The following CADPS variants were observed in gnomAD, a reference collection of about 807,000 sequenced individuals.
CADPS encodes the protein calcium-dependent secretion activator 1.
CADPS carries 57 observed loss-of-function variants against 167.3 expected under a neutral mutation model. The observed-to-expected ratio is 0.34, with a 90% CI of 0.28 to 0.42. The LOEUF is 0.42. Ranked by LOEUF, CADPS falls within the 20% of genes least tolerant of loss-of-function variation. The pLI is 1.00. For synonymous variants in CADPS, 676 were observed against 635.3 expected (o/e 1.06, Z -0.96); for missense variants, 1,414 against 1,738.1 (o/e 0.81, Z 3.32).
At chr3:62,840,463 C>G (rs1235915786) in intron 1 of CADPS, among the ~76,000 whole-genome samples, 1 of 152,218 alleles carries the variant, frequency 6.6e-6, no homozygotes, top group South Asian at 2.1e-4. Context: ...TACTTTCAAT[C>G]ATATAAATGA....
At chr3:62,427,087 A>G (rs563262433) in intron 28 of CADPS, among the ~76,000 whole-genome samples, 1 of 151,434 alleles carries the variant, frequency 6.6e-6, no homozygotes, top group Admixed American at 6.6e-5. Flanking sequence ...AAAAAAAAAA[A>G]AAAGAAAAGT....
intron 1 of CADPS, among the ~76,000 whole-genome samples, chr3:62,776,328 A>C (rs2090286315): frequency 6.6e-6 from 1 of 152,180 alleles, no homozygotes; most frequent in Non-Finnish European, 1.5e-5. Flanking sequence ...AAGCATTGAA[A>C]TGTTTTGCAT....
At chr3:62,645,868 G>C (rs1451740864) in intron 5 of CADPS, 25 bp from the exon 6 acceptor site, 2 of 1,613,548 alleles carry the variant, frequency 1.2e-6, no homozygotes, top group African/African-American at 2.7e-5. Flanking sequence ...CCACATAATG[G>C]AGGTTATTGG....
chr3:62,551,076 G>A (rs1405149311), intron 10 of CADPS, among the ~76,000 whole-genome samples: 5 of 152,042 alleles, frequency 3.3e-5, no homozygotes, highest in Non-Finnish European at 7.4e-5. Context: ...TAAGTACCAT[G>A]AGTATGCTGA....
chr3:62,511,579 G>A (rs1336965658), intron 17 of CADPS, among the ~76,000 whole-genome samples: 33 of 152,016 alleles, frequency 2.2e-4, no homozygotes, highest in Admixed American at 7.2e-4. Flanking sequence ...TTACATATTT[G>A]CACATATTAT....
intron 6 of CADPS, among the ~76,000 whole-genome samples, chr3:62,614,630 AG>A (rs2061984447): frequency 6.6e-6 from 1 of 152,218 alleles, no homozygotes; most frequent in South Asian, 2.1e-4. Context: ...GAAGGGAATA[AG>A]GTGTCTTTGG....
chr3:62,874,222 G>T lies in CADPS; in HGVS notation c.441+367C>A, dbSNP rs1360699475. 6.6e-6 allele frequency among the ~76,000 whole-genome samples: 1 copy of T among 152,106 alleles called. No individual in the cohort carries two copies. Among genetic ancestry groups the T allele is most frequent in the South Asian group, 2.1e-4 (1 of 4,830 alleles). ...CGCCCGCCGCTGGAGAGCGCTGGGA[G>T]CCCTGCAAGCGAGCAAGGCCTCTCT... On this transcript the variant is annotated intron_variant, in intron 1 of 29. Transcript: ENST00000383710. This position sits in a 1 kb window ranked among gnomAD's most constrained non-coding sequence, Gnocchi z 7.1.
chr3:62,624,299 T>A (rs1440404648), intron 6 of CADPS, among the ~76,000 whole-genome samples: 1 of 152,142 alleles, frequency 6.6e-6, no homozygotes, highest in Non-Finnish European at 1.5e-5. Context: ...GGGCCCTAAA[T>A]CTCTGTCCTT....
chr3:62,753,814 A>C lies in CADPS; in HGVS notation c.556-41T>G, dbSNP rs1203738265. 6.4e-7 allele frequency: 1 copy of C among 1,556,938 alleles called. No homozygotes were observed. The highest frequency in any genetic ancestry group is 8.7e-7 in the Non-Finnish European group (1 of 1,145,582). On this transcript the variant is annotated intron_variant, in intron 2 of 29. Transcript: ENST00000383710. This position sits in a 1 kb window ranked among gnomAD's most constrained non-coding sequence, Gnocchi z 4.6. ...GCCAGGAAAGACAGTAGGAGAGTTTACCACAGAGGTACCAGTTCCCTGGGG... is the reference window on the plus strand; with the variant it reads ...GCCAGGAAAGACAGTAGGAGAGTTTCCCACAGAGGTACCAGTTCCCTGGGG...
chr3:62,483,504 G>C (rs1375136880), intron 21 of CADPS, among the ~76,000 whole-genome samples: 2 of 152,130 alleles, frequency 1.3e-5, no homozygotes, highest in Non-Finnish European at 2.9e-5. Flanking sequence ...CTCATAGACT[G>C]AAAAACCTAG....
In CADPS at chr3:62,874,031, C is replaced by CT. The variant is rs1216872534; in HGVS notation, c.441+557dup. ...TTCGCAGAGTCACGGGAAGCTTCGCCTTCTGGGCTTGCTTTCTCCCGCCTG... is the reference window on the plus strand; with the variant it reads ...TTCGCAGAGTCACGGGAAGCTTCGCCTTTCTGGGCTTGCTTTCTCCCGCCTG... On this transcript the variant is annotated intron_variant, in intron 1 of 29. Coordinates refer to ENST00000383710, the MANE Select transcript of CADPS (RefSeq NM_003716.4). The surrounding 1 kb of genome is among the most constrained non-coding windows in gnomAD (Gnocchi z 7.1). Among the ~76,000 whole-genome samples, 1 of 152,222 alleles carries CT rather than the reference C, an allele frequency of 6.6e-6. No individual in the cohort carries two copies. The highest frequency in any genetic ancestry group is 1.5e-5 in the Non-Finnish European group (1 of 68,030).
intron 6 of CADPS, among the ~76,000 whole-genome samples, chr3:62,639,226 G>A (rs1412224866): frequency 6.6e-6 from 1 of 152,126 alleles, no homozygotes; most frequent in Non-Finnish European, 1.5e-5. Flanking sequence ...GGTCAGTGTT[G>A]ACTTTTACCA....
intron 16 of CADPS, among the ~76,000 whole-genome samples, chr3:62,515,583 A>G (rs1344318848): frequency 1.3e-5 from 2 of 152,080 alleles, no homozygotes; most frequent in Admixed American, 6.6e-5. Context: ...AGCTTGAAGC[A>G]CTACCAAAAG....
intron 27 of CADPS, among the ~76,000 whole-genome samples, chr3:62,443,335 G>C (rs983202742): frequency 7.2e-5 from 11 of 152,198 alleles, no homozygotes; most frequent in African/African-American, 2.7e-4. Flanking sequence ...AGCAGTAATA[G>C]TAGTTATTAT....
intron 13 of CADPS, among the ~76,000 whole-genome samples, chr3:62,523,683 T>C (rs2071308394): frequency 6.6e-6 from 1 of 152,202 alleles, no homozygotes; most frequent in Non-Finnish European, 1.5e-5. Flanking sequence ...AAAAGAAATG[T>C]ATGAATTCCA....
intron 8 of CADPS, among the ~76,000 whole-genome samples, chr3:62,581,510 C>T (rs1318898379): frequency 6.6e-6 from 1 of 150,408 alleles, no homozygotes; most frequent in African/African-American, 2.4e-5. Flanking sequence ...GATCCCACCT[C>T]TACAAATTTT....
At chr3:62,427,484 G>A (rs1447121167) in intron 28 of CADPS, among the ~76,000 whole-genome samples, 1 of 152,078 alleles carries the variant, frequency 6.6e-6, no homozygotes, top group Non-Finnish European at 1.5e-5. Flanking sequence ...TTGCTATTTT[G>A]AGCTGGATCA....
chr3:62,629,609 T>C (rs951819018), intron 6 of CADPS, among the ~76,000 whole-genome samples: 19 of 152,322 alleles, frequency 1.2e-4, no homozygotes, highest in African/African-American at 4.6e-4. Flanking sequence ...ACCACCACCA[T>C]GGCCATTCTT....
chr3:62,655,491 C>T (rs2071319592), intron 4 of CADPS, among the ~76,000 whole-genome samples: 1 of 152,088 alleles, frequency 6.6e-6, no homozygotes, highest in Admixed American at 6.6e-5. Flanking sequence ...AGACAGCCTC[C>T]CAAGGACAAT....
Sources: gnomAD v4.1 joint callset for allele counts (sites outside exome capture counted in the v4.1 genomes callset) on GRCh38, gnomAD v4.1.1 for gene constraint, Gnocchi (gnomAD v3.1) non-coding constraint, MANE v1.5 for transcripts, NCBI Gene and HGNC (gene_info 2026-07-23, HGNC 2026-07-21) for gene names.